HIBADH: variants seen among roughly 807,000 people sequenced by gnomAD.
The protein encoded by HIBADH is 3-hydroxyisobutyrate dehydrogenase, also known as 3-hydroxyisobutyrate dehydrogenase, mitochondrial.
HIBADH carries 25 observed loss-of-function variants against 36.1 expected under a neutral mutation model. The observed-to-expected ratio is 0.69, with a 90% CI of 0.50 to 0.97. HIBADH has a LOEUF of 0.97. Ranked by LOEUF, HIBADH falls within the 50% of genes least tolerant of loss-of-function variation. HIBADH has a pLI of 0.00. For synonymous variants in HIBADH, 160 were observed against 149.5 expected, an observed-to-expected ratio of 1.07 and a Z score of -0.51; for missense variants, 421 against 418.0, an observed-to-expected ratio of 1.01 and a Z score of -0.06.
At chr7:27,632,541 G>T in intron 2 of HIBADH, 96 bp from the exon 3 acceptor site, 1 of 616,828 alleles carries the variant, frequency 1.6e-6, no homozygotes, top group Non-Finnish European at 2.9e-6. Flanking sequence ...GCCTATAACA[G>T]TGACAGTGCA....
intron 4 of HIBADH, among the ~76,000 whole-genome samples, chr7:27,583,880 A>G (rs1435038617): frequency 6.6e-6 from 1 of 152,026 alleles, no homozygotes; most frequent in Non-Finnish European, 1.5e-5. Flanking sequence ...TCATAAACCT[A>G]ATACATATTA....
intron 4 of HIBADH, among the ~76,000 whole-genome samples, chr7:27,595,202 A>G (rs2128289509): frequency 6.6e-6 from 1 of 152,248 alleles, no homozygotes; most frequent in South Asian, 2.1e-4. Context: ...TTATCTCCCC[A>G]CGCATATTCA....
At chr7:27,636,282 T>C (rs1421543412) in intron 2 of HIBADH, among the ~76,000 whole-genome samples, 3 of 152,246 alleles carry the variant, frequency 2.0e-5, no homozygotes, top group African/African-American at 7.2e-5. Flanking sequence ...CAGAAATTTA[T>C]AAAGAAACAA....
rs907678734 is a variant in HIBADH, at chr7:27,662,864, G to C, written c.-76C>G. 7 of 1,186,776 alleles carry C rather than the reference G, an allele frequency of 5.9e-6. No individual in the cohort carries two copies. The highest frequency in any genetic ancestry group is 5.6e-6 in the Non-Finnish European group (5 of 899,434). The allele number at this position is 1,186,776 out of a possible 1,614,324, so 73.5% of individuals were successfully genotyped here. On this transcript the variant is annotated 5_prime_UTR_variant, in exon 1 of 8. Transcript: ENST00000265395. ...CCACAGACTGCGAGCGTGTGCAGCG[G>C]GACTGGCTGGCTCGCCCACGGAGAA...
At chr7:27,633,476 G>T (rs754566189) in intron 2 of HIBADH, among the ~76,000 whole-genome samples, 2 of 152,056 alleles carry the variant, frequency 1.3e-5, no homozygotes, top group Non-Finnish European at 2.9e-5. Flanking sequence ...TGGGTAACAC[G>T]GTGAGACTCC....
rs1381230094 is a variant in HIBADH, at chr7:27,525,993, A to G, written c.*221T>C. On this transcript the variant is annotated 3_prime_UTR_variant, in exon 8 of 8. Transcript: ENST00000265395. Reference sequence around the variant, plus strand: ...TGTAAAAAGGTCAATTAAGCTAGTTAGCAGAGACTATCAGTGGCTTGCAGA... The same window carrying G: ...TGTAAAAAGGTCAATTAAGCTAGTTGGCAGAGACTATCAGTGGCTTGCAGA... The G allele has an allele frequency of 6.1e-6, 2 of 329,840 alleles. No individual in the cohort carries two copies. The highest frequency in any genetic ancestry group is 1.1e-5 in the Non-Finnish European group (2 of 183,074). The allele number at this position is 329,840 out of a possible 1,614,324, so 20.4% of individuals were successfully genotyped here.
chr7:27,661,078 G>A (rs1786407278), intron 1 of HIBADH, among the ~76,000 whole-genome samples: 1 of 152,160 alleles, frequency 6.6e-6, no homozygotes. Context: ...TTCTTTTAGG[G>A]TTATCTCAAA....
chr7:27,655,024 T>C (rs533365794), intron 1 of HIBADH, among the ~76,000 whole-genome samples: 2 of 152,318 alleles, frequency 1.3e-5, no homozygotes, highest in East Asian at 3.9e-4. Flanking sequence ...CACCGGCTTA[T>C]ATACATCAAA....
intron 7 of HIBADH, among the ~76,000 whole-genome samples, chr7:27,529,332 T>C (rs56934824): frequency 0.13 from 19,731 of 152,206 alleles, 1,452 homozygotes; most frequent in African/African-American, 0.19. Context: ...CTCTGACAGC[T>C]CTGGGCAGAG....
chr7:27,528,490 G>A (rs1340244218), intron 7 of HIBADH, among the ~76,000 whole-genome samples: 1 of 152,178 alleles, frequency 6.6e-6, no homozygotes, highest in Non-Finnish European at 1.5e-5. Flanking sequence ...CGGCCTTACT[G>A]CTGATAGGGA....
intron 4 of HIBADH, among the ~76,000 whole-genome samples, chr7:27,565,743 T>C (rs1183952037): frequency 1.3e-5 from 2 of 152,186 alleles, no homozygotes; most frequent in Non-Finnish European, 2.9e-5. Flanking sequence ...CATTTAGTCT[T>C]TCACTACAAA....
intron 4 of HIBADH, among the ~76,000 whole-genome samples, chr7:27,616,071 T>C (rs1785420236): frequency 6.6e-6 from 1 of 152,098 alleles, no homozygotes; most frequent in African/African-American, 2.4e-5. Context: ...CTAGCACCAA[T>C]GCATTTTCTG....
intron 6 of HIBADH, among the ~76,000 whole-genome samples, chr7:27,532,393 G>A (rs1784015013): frequency 6.6e-6 from 1 of 152,116 alleles, no homozygotes; most frequent in African/African-American, 2.4e-5. Flanking sequence ...TTATGTAAAT[G>A]TTAAACAAAC....
intron 4 of HIBADH, among the ~76,000 whole-genome samples, chr7:27,618,156 G>A (rs556691990): frequency 6.6e-6 from 1 of 152,288 alleles, no homozygotes; most frequent in East Asian, 1.9e-4. Context: ...CACAGAGCAT[G>A]GTACCCTTCC....
At chr7:27,632,263 T>G (rs1269524647) in intron 3 of HIBADH, 73 bp downstream of exon 3, 9 of 976,558 alleles carry the variant, frequency 9.2e-6, no homozygotes, top group African/African-American at 1.6e-5. Flanking sequence ...AATTGTAATT[T>G]CCTAATAGTT....
Position 27,526,192 on chromosome 7 carries a change from TG to T in HIBADH, c.*21del, listed in dbSNP as rs1199966685. 6.3e-7 allele frequency: 1 copy of T among 1,583,094 alleles called. No individual in the cohort carries two copies. Among genetic ancestry groups the T allele is most frequent in the Admixed American group, 1.8e-5 (1 of 55,734 alleles). ...CAAGACAGAGTTTGGTTCCCAACAG[TG>T]TCCGTGGCCAAAGGGCACACTCAGA... On this transcript the variant is annotated 3_prime_UTR_variant, in exon 8 of 8. Coordinates refer to ENST00000265395, the MANE Select transcript of HIBADH (RefSeq NM_152740.4).
At position 27,564,685 on chromosome 7, in the gene HIBADH, T is replaced by C. The variant is rs561213239; in HGVS notation, c.485-21585A>G. Among the ~76,000 whole-genome samples the C allele has an allele frequency of 1.8e-4, 27 of 152,336 alleles. No homozygotes were observed. The South Asian group carries it at 4.8e-3, about 27-fold the overall frequency. On this transcript the variant is annotated intron_variant, in intron 4 of 7. Transcript: ENST00000265395. Reference sequence around the variant, plus strand: ...AAATTAATGTCAATTTCTCTATAGATGCAATAAAAAGTAATAGTGCTAAAT... The same window carrying C: ...AAATTAATGTCAATTTCTCTATAGACGCAATAAAAAGTAATAGTGCTAAAT...
At chr7:27,613,570 T>G (rs1396858695) in intron 4 of HIBADH, among the ~76,000 whole-genome samples, 2 of 152,024 alleles carry the variant, frequency 1.3e-5, no homozygotes, top group Non-Finnish European at 2.9e-5. Flanking sequence ...ACAGAAACTT[T>G]CCATTTCCAG....
At chr7:27,618,752 C>T (rs1223392569) in intron 4 of HIBADH, among the ~76,000 whole-genome samples, 1 of 152,132 alleles carries the variant, frequency 6.6e-6, no homozygotes, top group Non-Finnish European at 1.5e-5. Context: ...TCAGCATCTG[C>T]ACAGCTTTTG....
Sources: allele counts gnomAD v4.1 joint callset (sites outside exome capture counted in the v4.1 genomes callset), GRCh38; gene constraint gnomAD v4.1.1; transcripts MANE v1.5; gene names NCBI Gene and HGNC (gene_info 2026-07-23, HGNC 2026-07-21).